The following DENND1A variants were observed in gnomAD, a reference collection of about 807,000 sequenced individuals.
DENND1A encodes the protein DENN domain-containing protein 1A.
DENND1A carries 51 observed loss-of-function variants against 113.7 expected under a neutral mutation model. The observed-to-expected ratio is 0.45, with a 90% CI of 0.36 to 0.57. The LOEUF (loss-of-function observed/expected upper bound fraction) is 0.57, where lower values mean the gene tolerates loss of function less well. DENND1A is among the 20% of genes least tolerant of loss of function. DENND1A has a pLI of 0.00. For synonymous variants in DENND1A, 565 were observed against 570.8 expected (o/e 0.99, Z 0.14); for missense variants, 1,258 against 1,395.9 (o/e 0.90, Z 1.57).
chr9:123,659,837 A>G (rs1034051671), intron 8 of DENND1A, among the ~76,000 whole-genome samples: 1 of 152,204 alleles, frequency 6.6e-6, no homozygotes, highest in African/African-American at 2.4e-5. Context: ...GCAATTTAGT[A>G]ATTTTAAATT....
At position 123,888,355 on chromosome 9, in the gene DENND1A, C is replaced by T. The variant is rs140942721; in HGVS notation, c.18-9334G>A. Among the ~76,000 whole-genome samples the T allele has an allele frequency of 2.2e-4, 34 of 152,204 alleles. No individual in the cohort carries two copies. The East Asian group carries it at 5.2e-3, about 23-fold the overall frequency. On this transcript the variant is annotated intron_variant, in intron 1 of 23. Coordinates refer to ENST00000394215, the MANE Select transcript of DENND1A (RefSeq NM_001352964.2). ...TAAAACAAGAAGCCATGAGTTCATA[C>T]GCATCTAAATAAGGGAATAAATTGA...
intron 4 of DENND1A, among the ~76,000 whole-genome samples, chr9:123,762,117 A>G (rs2071092023): frequency 6.6e-6 from 1 of 152,222 alleles, no homozygotes; most frequent in African/African-American, 2.4e-5. Flanking sequence ...GCCACGCTGC[A>G]CTAAACACAA....
intron 13 of DENND1A, among the ~76,000 whole-genome samples, chr9:123,499,507 T>G (rs1456869203): frequency 6.6e-6 from 1 of 152,172 alleles, no homozygotes; most frequent in Non-Finnish European, 1.5e-5. Context: ...AGCGCTCTCA[T>G]CACTTTATAT....
chr9:123,860,306 T>C (rs1844872850), intron 2 of DENND1A, among the ~76,000 whole-genome samples: 1 of 152,218 alleles, frequency 6.6e-6, no homozygotes, highest in Admixed American at 6.5e-5. Context: ...CATAGTATAA[T>C]GACTATTCTT....
intron 2 of DENND1A, among the ~76,000 whole-genome samples, chr9:123,799,350 G>A (rs1041345483): frequency 2.6e-5 from 4 of 152,250 alleles, no homozygotes; most frequent in African/African-American, 7.2e-5. Context: ...GTAGTCACTC[G>A]TGGAACAAAT....
intron 1 of DENND1A, chr9:123,928,626 G>A (rs1857506867): frequency 1.0e-6 from 1 of 985,294 alleles, no homozygotes; most frequent in Non-Finnish European, 1.2e-6. Context: ...TCATTCAGCA[G>A]ATGTCTCAAG....
At chr9:123,709,305 G>A (rs1047612049) in intron 5 of DENND1A, among the ~76,000 whole-genome samples, 1 of 152,122 alleles carries the variant, frequency 6.6e-6, no homozygotes, top group African/African-American at 2.4e-5. Context: ...CAGTTTCTAG[G>A]TGAGAAGGTA....
rs912454501 is a variant in DENND1A at position 123,660,394 on chromosome 9, G to T, written c.507+6632C>A. On this transcript the variant is annotated intron_variant, in intron 8 of 23. Coordinates refer to ENST00000394215, the MANE Select transcript of DENND1A (RefSeq NM_001352964.2). Reference sequence around the variant, plus strand: ...AAGGAATGTAAATTTTTAAAATAGTGGGGGCAGGAGAGGTAGCATACAGTG... The same window carrying T: ...AAGGAATGTAAATTTTTAAAATAGTTGGGGCAGGAGAGGTAGCATACAGTG... Among the ~76,000 whole-genome samples, 4 of 152,106 alleles carry T rather than the reference G, an allele frequency of 2.6e-5. No homozygotes were observed. In the South Asian group the frequency reaches 8.3e-4, roughly 32 times the overall value.
chr9:123,440,801 G>A (rs1055056475), intron 18 of DENND1A, among the ~76,000 whole-genome samples: 1 of 152,164 alleles, frequency 6.6e-6, no homozygotes, highest in African/African-American at 2.4e-5. Context: ...TTGTCCACAT[G>A]CAGACGTTTA....
At chr9:123,472,357 C>T (rs922732971) in intron 13 of DENND1A, among the ~76,000 whole-genome samples, 35 of 152,138 alleles carry the variant, frequency 2.3e-4, no homozygotes, top group Non-Finnish European at 2.4e-4. Flanking sequence ...GGCAGCCAGC[C>T]GGCGGTTCAC....
At chr9:123,539,882 CAAAA>C (rs141372137) in intron 13 of DENND1A, among the ~76,000 whole-genome samples, 1 of 90,684 alleles carries the variant, frequency 1.1e-5, no homozygotes, top group Non-Finnish European at 2.6e-5. Context: ...GACTCCGTCT[CAAAA>C]AAAAAAAAAA....
intron 11 of DENND1A, among the ~76,000 whole-genome samples, chr9:123,598,118 C>G (rs992427938): frequency 2.0e-5 from 3 of 152,296 alleles, no homozygotes; most frequent in African/African-American, 4.8e-5. Context: ...CTGGAGCCCC[C>G]TCCTGGGCAT....
intron 2 of DENND1A, among the ~76,000 whole-genome samples, chr9:123,852,374 CTGTT>C (rs1843514452): frequency 6.6e-6 from 1 of 152,194 alleles, no homozygotes; most frequent in South Asian, 2.1e-4. Context: ...GGGTATAAAA[CTGTT>C]TGCTCCCTGC....
At chr9:123,574,173 CTT>C (rs542615815) in intron 12 of DENND1A, among the ~76,000 whole-genome samples, 3,543 of 110,068 alleles carry the variant, frequency 0.032, 45 homozygotes, top group Non-Finnish European at 0.046. Flanking sequence ...CTGTAGTTGC[CTT>C]TTTTTTTTTT....
intron 13 of DENND1A, among the ~76,000 whole-genome samples, chr9:123,505,586 C>T (rs1256121748): frequency 6.6e-6 from 1 of 152,152 alleles, no homozygotes; most frequent in Non-Finnish European, 1.5e-5. Context: ...ACAATATGTT[C>T]CTCTCTGTCA....
At chr9:123,665,458 C>A (rs1327506652) in intron 8 of DENND1A, among the ~76,000 whole-genome samples, 1 of 152,148 alleles carries the variant, frequency 6.6e-6, no homozygotes. Flanking sequence ...ACATTTTCTA[C>A]CACAGTCTGA....
At chr9:123,603,799 A>C (rs2060034257) in intron 11 of DENND1A, among the ~76,000 whole-genome samples, 1 of 152,228 alleles carries the variant, frequency 6.6e-6, no homozygotes, top group Non-Finnish European at 1.5e-5. Flanking sequence ...TGGTGCTAAT[A>C]CTTCGAAGAA....
At position 123,537,428 on chromosome 9, in the gene DENND1A, A is replaced by C. The variant is rs189634341; in HGVS notation, c.993+20142T>G. ...TAAAGAGATAAAAGAGATTTTAAAG[A>C]AGGTGAAAAATATTGAAAATAGGCA... On this transcript the variant is annotated intron_variant, in intron 13 of 23. Coordinates refer to ENST00000394215, the MANE Select transcript of DENND1A (RefSeq NM_001352964.2). 2.6e-5 allele frequency among the ~76,000 whole-genome samples: 4 copies of C among 152,104 alleles called. No homozygotes were observed. In the East Asian group the frequency reaches 7.7e-4, roughly 29 times the overall value.
At chr9:123,416,400 C>T (rs770685598) in intron 19 of DENND1A, among the ~76,000 whole-genome samples, 8 of 152,318 alleles carry the variant, frequency 5.3e-5, no homozygotes, top group South Asian at 2.1e-4. Flanking sequence ...GCCTCTTGAC[C>T]GCTGACCGCT....
Sources: gnomAD v4.1 joint callset for allele counts (sites outside exome capture counted in the v4.1 genomes callset) on GRCh38, gnomAD v4.1.1 for gene constraint, MANE v1.5 for transcripts, NCBI Gene and HGNC (gene_info 2026-07-23, HGNC 2026-07-21) for gene names.